The following SAP130 variants were observed in gnomAD, a reference collection of about 807,000 sequenced individuals.
SAP130 encodes the protein Sin3A associated protein 130.
A neutral mutation model predicts 103.2 loss-of-function variants in SAP130; 16 were observed. The observed-to-expected ratio is 0.16, with a 90% CI of 0.10 to 0.24. The LOEUF (loss-of-function observed/expected upper bound fraction) is 0.24. SAP130 is among the 10% of genes least tolerant of loss of function. The probability of loss-of-function intolerance (pLI) is 1.00; values close to 1 mark genes in which losing one functional copy is unlikely to be tolerated. For missense variants in SAP130, 990 were observed against 1,359.7 expected (o/e 0.73, Z 4.28); for synonymous variants, 477 against 497.0 (o/e 0.96, Z 0.53).
At chr2:128,010,204 G>A (rs1442525660) in intron 7 of SAP130, 65 bp downstream of exon 7, 18 of 1,514,108 alleles carry the variant, frequency 1.2e-5, no homozygotes, top group Middle Eastern at 1.8e-4. Context: ...ATGAAGGAAC[G>A]AAAGAAAAAA....
intron 7 of SAP130, among the ~76,000 whole-genome samples, chr2:128,001,963 T>C (rs1228378633): frequency 6.6e-6 from 1 of 151,950 alleles, no homozygotes; most frequent in Non-Finnish European, 1.5e-5. Context: ...AGTCTCACTC[T>C]GTCACTAGGC....
chr2:127,956,332 G>C (rs1372700714), intron 15 of SAP130, among the ~76,000 whole-genome samples: 1 of 152,146 alleles, frequency 6.6e-6, no homozygotes, highest in African/African-American at 2.4e-5. Context: ...ATAGGTTAGT[G>C]TACGTAAAGT....
chr2:128,012,945 G>T, intron 6 of SAP130, 85 bp downstream of exon 6: 1 of 1,315,666 alleles, frequency 7.6e-7, no homozygotes, highest in African/African-American at 1.5e-5. Context: ...TAGATGGAAA[G>T]TCCCTGAGGT....
At chr2:127,975,760 C>T (rs776829099) in intron 15 of SAP130, among the ~76,000 whole-genome samples, 43 of 152,196 alleles carry the variant, frequency 2.8e-4, no homozygotes, top group Non-Finnish European at 5.6e-4. Context: ...AAAGTGTGTA[C>T]CCAGAGTCCG....
chr2:128,011,900 C>T (rs1684423962), intron 6 of SAP130, among the ~76,000 whole-genome samples: 1 of 152,148 alleles, frequency 6.6e-6, no homozygotes, highest in Non-Finnish European at 1.5e-5. Flanking sequence ...GCAACCTCTG[C>T]CTCTCGGACT....
intron 7 of SAP130, among the ~76,000 whole-genome samples, chr2:128,002,157 T>C (rs1683609120): frequency 6.6e-6 from 1 of 152,158 alleles, no homozygotes; most frequent in South Asian, 2.1e-4. Context: ...GATCTCTTGA[T>C]CCGCCCGCCC....
Position 127,993,254 on chromosome 2 carries a change from T to C in SAP130, c.1410A>G (p.Ala470=). The change falls in exon 12 of 21, where the codon GCA becomes GCG. Residue 470 remains alanine (A), a synonymous_variant. Coordinates refer to ENST00000643581, the MANE Select transcript of SAP130 (RefSeq NM_001330301.2). Reference sequence around the variant, plus strand: ...TGTAGGTATGTGCCGCCAGTGGGTATGCAGAAGGGGGGTAAGTTGGCAAAA... The same window carrying C: ...TGTAGGTATGTGCCGCCAGTGGGTACGCAGAAGGGGGGTAAGTTGGCAAAA... ...QYFLPTYPPS[A]YPLAAHTYTP... is the part of the protein sequence containing the mutation. 3 of 1,614,014 alleles carry C rather than the reference T, an allele frequency of 1.9e-6. No homozygotes were observed. The highest frequency in any genetic ancestry group is 8.5e-7 in the Non-Finnish European group (1 of 1,179,980).
chr2:127,966,560 G>A (rs1373027346), intron 15 of SAP130, among the ~76,000 whole-genome samples: 2 of 150,842 alleles, frequency 1.3e-5, no homozygotes, highest in African/African-American at 2.4e-5. Context: ...AAAATTAGCC[G>A]GATGTGGTGG....
intron 15 of SAP130, among the ~76,000 whole-genome samples, chr2:127,961,695 C>T (rs1234287098): frequency 1.9e-4 from 29 of 152,128 alleles, no homozygotes; most frequent in Admixed American, 1.9e-3. Context: ...GAGCGGAATG[C>T]ACGCACTTCC....
At chr2:128,000,271 C>A in intron 8 of SAP130, 36 bp downstream of exon 8, 8 of 1,613,442 alleles carry the variant, frequency 5.0e-6, no homozygotes, top group Non-Finnish European at 6.8e-6. Flanking sequence ...TTTTACCCAA[C>A]AAAGTACACA....
At chr2:127,959,369 AC>A (rs1278936789) in intron 15 of SAP130, among the ~76,000 whole-genome samples, 1 of 152,180 alleles carries the variant, frequency 6.6e-6, no homozygotes, top group African/African-American at 2.4e-5. Context: ...TAATTGCTAT[AC>A]TCCAGTGAAA....
At chr2:128,026,149 G>GA (rs1685481032) in intron 2 of SAP130, 32 bp downstream of exon 2, 2 of 1,410,468 alleles carry the variant, frequency 1.4e-6, no homozygotes, top group Non-Finnish European at 9.8e-7. Flanking sequence ...CTTAAAGTAG[G>GA]AAAAAATATA....
chr2:128,013,047 T>C lies in SAP130; in HGVS notation c.727A>G (p.Ile243Val), dbSNP rs1243499811. Residue 243 changes from isoleucine (I) to valine (V), a missense_variant, in exon 6 of 21, where the codon ATT becomes GTT. This residue lies in a region of SAP130 where 336 missense variants were observed against 520.1 expected (regional missense o/e 0.65). Coordinates refer to ENST00000643581, the MANE Select transcript of SAP130 (RefSeq NM_001330301.2). ...ATAQPAVQHI[I>V]HQPIQSRPPV... is the part of the protein sequence containing the mutation. ...CGACGTGCCTGGATTGGTTGGTGAA[T>C]GATGTGCTGTACTGCTGGCTGAGCA... 6.2e-7 allele frequency: 1 copy of C among 1,610,652 alleles called. No individual in the cohort carries two copies. The highest frequency in any genetic ancestry group is 8.5e-7 in the Non-Finnish European group (1 of 1,178,572).
At chr2:128,014,546 A>G (rs931654597) in intron 5 of SAP130, among the ~76,000 whole-genome samples, 1 of 152,202 alleles carries the variant, frequency 6.6e-6, no homozygotes, top group Non-Finnish European at 1.5e-5. Flanking sequence ...CATGTTGCCC[A>G]GGCTGGTCTC....
intron 15 of SAP130, among the ~76,000 whole-genome samples, chr2:127,967,475 T>C (rs554332560): frequency 6.6e-6 from 1 of 152,328 alleles, no homozygotes; most frequent in Non-Finnish European, 1.5e-5. Flanking sequence ...TCTCAGCTCA[T>C]GGCAAACTCT....
chr2:127,954,942 G>C (rs1679724334), intron 16 of SAP130, 44 bp downstream of exon 16: 1 of 1,407,214 alleles, frequency 7.1e-7, no homozygotes, highest in South Asian at 1.3e-5. Flanking sequence ...TAGGGAAGGG[G>C]AAGAGGCAAT....
chr2:128,002,216 C>T (rs1441345968), intron 7 of SAP130, among the ~76,000 whole-genome samples: 1 of 152,100 alleles, frequency 6.6e-6, no homozygotes, highest in Non-Finnish European at 1.5e-5. Context: ...TGTGCCCGGC[C>T]AAAACTTTTT....
chr2:127,959,471 C>T (rs1680085432), intron 15 of SAP130, among the ~76,000 whole-genome samples: 1 of 152,228 alleles, frequency 6.6e-6, no homozygotes, highest in Non-Finnish European at 1.5e-5. Flanking sequence ...ATCTCCTCCC[C>T]ATCCCACTAC....
At chr2:127,988,774 C>A (rs1682577542) in intron 13 of SAP130, among the ~76,000 whole-genome samples, 1 of 152,106 alleles carries the variant, frequency 6.6e-6, no homozygotes, top group African/African-American at 2.4e-5. Context: ...CACTTGAGCC[C>A]AGGAGGATGA....
Sources: allele counts gnomAD v4.1 joint callset (sites outside exome capture counted in the v4.1 genomes callset), GRCh38; gene constraint gnomAD v4.1.1; regional missense constraint gnomAD v4.1.1; transcripts MANE v1.5; gene names NCBI Gene and HGNC (gene_info 2026-07-23, HGNC 2026-07-21).